TRIP12: variants seen among roughly 807,000 people sequenced by gnomAD.
TRIP12 encodes the protein thyroid hormone receptor interactor 12, also known as E3 ubiquitin-protein ligase TRIP12.
A neutral mutation model predicts 244.2 loss-of-function variants in TRIP12; 25 were observed. The ratio of observed to expected loss-of-function variants is 0.10; its 90% confidence interval spans 0.07 to 0.14. The LOEUF is 0.14. Among genes scored for constraint, TRIP12 ranks in the 10% least tolerant of loss-of-function variants. The pLI, the probability that TRIP12 is intolerant of heterozygous loss-of-function variation, is 1.00. For synonymous variants in TRIP12, 905 were observed against 873.1 expected (o/e 1.04, Z -0.64); for missense variants, 1,677 against 2,486.4 (o/e 0.67, Z 6.92).
At chr2:229,922,242 G>A (rs2076724630), upstream of TRIP12, 6 of 438,706 alleles carry the variant, frequency 1.4e-5, no homozygotes, top group South Asian at 1.4e-4. Context: ...GGGGACTGTG[G>A]AGATCTACTT....
intron 8 of TRIP12, among the ~76,000 whole-genome samples, chr2:229,823,156 G>C (rs1384366297): frequency 6.6e-6 from 1 of 152,098 alleles, no homozygotes; most frequent in East Asian, 1.9e-4. Flanking sequence ...TGAGATAAGA[G>C]AAACAATACT....
chr2:229,875,948 T>C (rs147860915), intron 2 of TRIP12, among the ~76,000 whole-genome samples: 2 of 152,306 alleles, frequency 1.3e-5, no homozygotes, highest in African/African-American at 4.8e-5. Context: ...GTTTAGATAA[T>C]TGCTAGAACA....
intron 39 of TRIP12, among the ~76,000 whole-genome samples, chr2:229,769,612 GT>G (rs1285751708): frequency 6.6e-6 from 1 of 151,990 alleles, no homozygotes; most frequent in Admixed American, 6.6e-5. Context: ...CTTGATTTCA[GT>G]TTTCCTTTCT....
chr2:229,833,364 T>C (rs1025216710), intron 6 of TRIP12, among the ~76,000 whole-genome samples: 19 of 152,314 alleles, frequency 1.2e-4, no homozygotes, highest in African/African-American at 4.6e-4. Context: ...TACAGCTCAC[T>C]GCAACTTCCG....
intron 23 of TRIP12, 88 bp downstream of exon 23, chr2:229,798,787 T>TA: frequency 7.2e-7 from 1 of 1,395,952 alleles, no homozygotes; most frequent in East Asian, 2.3e-5. Context: ...CTATGTATCG[T>TA]CTCCACACAA....
At chr2:229,788,056 G>T (rs1459686733) in intron 32 of TRIP12, among the ~76,000 whole-genome samples, 9 of 152,148 alleles carry the variant, frequency 5.9e-5, no homozygotes, top group Admixed American at 1.3e-4. Context: ...ACTTGTCTTG[G>T]CCTCCCAAAG....
In TRIP12 at chr2:229,814,309, C is replaced by T. The variant is rs759684845; in HGVS notation, c.1748G>A (p.Cys583Tyr). Reference protein sequence around the residue: ...VFLEKLQVIQCIDVAEQALTA... With the variant: ...VFLEKLQVIQYIDVAEQALTA... The stretch of plus-strand genomic sequence containing the variant: ...CAAGGCCTGCTCTGCCACATCAATA[C>T]ACTGAATAACTTGCAGCTGGGAACA... The change falls in exon 12 of 42, where the codon TGT (cysteine) becomes TAT (tyrosine). Residue 583 changes from cysteine (C) to tyrosine (Y), a missense_variant. This residue lies in a region of TRIP12 where 572 missense variants were observed against 867.8 expected (regional missense o/e 0.66). Transcript: ENST00000675903. 1.2e-6 allele frequency: 2 copies of T among 1,614,096 alleles called. No homozygotes were observed. Among genetic ancestry groups the T allele is most frequent in the Non-Finnish European group, 8.5e-7 (1 of 1,179,968 alleles).
chr2:229,906,952 A>G (rs1336441997), intron 1 of TRIP12, among the ~76,000 whole-genome samples: 1 of 152,222 alleles, frequency 6.6e-6, no homozygotes, highest in East Asian at 1.9e-4. Flanking sequence ...GACTATAATT[A>G]GCAGTGATAA....
At chr2:229,798,779 A>G in intron 23 of TRIP12, 96 bp downstream of exon 23, 1 of 1,307,594 alleles carries the variant, frequency 7.6e-7, no homozygotes, top group African/African-American at 1.5e-5. Context: ...TGCTGTGTCT[A>G]TGTATCGTCT....
intron 1 of TRIP12, among the ~76,000 whole-genome samples, chr2:229,893,714 G>C (rs181275063): frequency 1.0e-3 from 159 of 152,250 alleles, no homozygotes; most frequent in Non-Finnish European, 2.1e-3. Context: ...GATGGACTAA[G>C]TTTTGCCCGT....
At chr2:229,835,935 A>G (rs1333717299) in intron 6 of TRIP12, among the ~76,000 whole-genome samples, 1 of 152,208 alleles carries the variant, frequency 6.6e-6, no homozygotes, top group Non-Finnish European at 1.5e-5. Context: ...ATATGGGAAA[A>G]AACTCCTCTC....
At chr2:229,847,674 A>G (rs2057851046) in intron 4 of TRIP12, among the ~76,000 whole-genome samples, 1 of 152,234 alleles carries the variant, frequency 6.6e-6, no homozygotes. Context: ...AGAGAAACCC[A>G]AAAAGGCTCA....
At chr2:229,816,325 T>TAAAA (rs11311195) in intron 9 of TRIP12, among the ~76,000 whole-genome samples, 1 of 140,686 alleles carries the variant, frequency 7.1e-6, no homozygotes. Context: ...TTTCAGGACT[T>TAAAA]AAAAAAAAAA....
chr2:229,791,757 A>G, intron 29 of TRIP12, 109 bp downstream of exon 29: 1 of 1,131,408 alleles, frequency 8.8e-7, no homozygotes. Context: ...TGTGTGATTT[A>G]GGGCCCCCTA....
intron 6 of TRIP12, 51 bp downstream of exon 6, chr2:229,836,797 A>G: frequency 6.4e-7 from 1 of 1,554,926 alleles, no homozygotes. Flanking sequence ...TCTGCCCATC[A>G]AATCTGTAAA....
rs551968752 is a variant in TRIP12, at chr2:229,847,515, A to C, written c.1028-6588T>G. The stretch of plus-strand genomic sequence containing the variant: ...ACAGCATTAAAACAATCTGAGACAT[A>C]AATCTACAAGGATGAGAAGAATGGA... On this transcript the variant is annotated intron_variant, in intron 4 of 41. Transcript: ENST00000675903. 2.0e-5 allele frequency among the ~76,000 whole-genome samples: 3 copies of C among 152,376 alleles called. No homozygotes were observed. In the South Asian group the frequency reaches 6.2e-4, roughly 32 times the overall value.
chr2:229,792,952 AAACAAATAT>A lies in TRIP12; in HGVS notation c.4141+12_4141+20del. 6.2e-7 allele frequency: 1 copy of A among 1,605,820 alleles called. No individual in the cohort carries two copies. The highest frequency in any genetic ancestry group is 1.1e-5 in the South Asian group (1 of 90,102). On this transcript the variant is annotated intron_variant, in intron 27 of 41. Transcript: ENST00000675903. ...CCCAAATATACATATATAACACACG[AAACAAATAT>A]ATGGAAAGTACCTCTAACTACAAGG...
At chr2:229,873,622 T>C (rs924486742) in intron 2 of TRIP12, among the ~76,000 whole-genome samples, 1 of 152,180 alleles carries the variant, frequency 6.6e-6, no homozygotes, top group Admixed American at 6.5e-5. Context: ...ATAGTTCTTA[T>C]TTTCTTTTTG....
intron 2 of TRIP12, among the ~76,000 whole-genome samples, chr2:229,864,137 T>C (rs2154340368): frequency 6.7e-6 from 1 of 150,182 alleles, no homozygotes; most frequent in Admixed American, 6.6e-5. Context: ...TGGGTATTCC[T>C]GAAAAAAAAA....
Sources: gnomAD v4.1 joint callset for allele counts (sites outside exome capture counted in the v4.1 genomes callset) on GRCh38, gnomAD v4.1.1 for gene constraint, gnomAD v4.1.1 regional missense constraint, MANE v1.5 for transcripts, NCBI Gene and HGNC (gene_info 2026-07-23, HGNC 2026-07-21) for gene names.